The following ELOC variants were observed in gnomAD, a reference collection of about 807,000 sequenced individuals.
ELOC encodes the protein elongin C.
For missense variants in ELOC, 38 were observed against 139.0 expected, an observed-to-expected ratio of 0.27 and a Z score of 3.65; for synonymous variants, 40 against 51.3, an observed-to-expected ratio of 0.78 and a Z score of 0.94.
intron 3 of ELOC, 64 bp downstream of exon 3, chr8:73,955,847 A>C: frequency 2.0e-6 from 3 of 1,473,908 alleles, no homozygotes; most frequent in Non-Finnish European, 2.8e-6. Context: ...CATTAATTCA[A>C]CTTAAAAACA....
chr8:73,961,059 A>G (rs1225963859), intron 1 of ELOC, among the ~76,000 whole-genome samples: 2 of 152,212 alleles, frequency 1.3e-5, no homozygotes, highest in Non-Finnish European at 2.9e-5. Flanking sequence ...TAAGTTTTGA[A>G]ATTTAACAAT....
Position 73,956,719 on chromosome 8 carries a change from A to G in ELOC, c.5-665T>C, listed in dbSNP as rs932215407. Among the ~76,000 whole-genome samples the G allele has an allele frequency of 1.2e-4, 18 of 152,348 alleles. No homozygotes were observed. The East Asian group carries it at 3.5e-3, about 29-fold the overall frequency. Reference sequence around the variant, plus strand: ...TCACCTGAAATACTCATTTTTAGAAATAAGATGCATAGCAGATTTATAAAT... The same window carrying G: ...TCACCTGAAATACTCATTTTTAGAAGTAAGATGCATAGCAGATTTATAAAT... On this transcript the variant is annotated intron_variant, in intron 2 of 3. Coordinates refer to ENST00000520242, the MANE Select transcript of ELOC (RefSeq NM_005648.4).
At chr8:73,965,713 AAGAT>A (rs1313045089) in intron 1 of ELOC, among the ~76,000 whole-genome samples, 1 of 152,244 alleles carries the variant, frequency 6.6e-6, no homozygotes, top group African/African-American at 2.4e-5. Context: ...ATTTTAAAAA[AAGAT>A]AGCATTTCTG....
Position 73,946,831 on chromosome 8 carries a change from A to G in ELOC, c.149-11T>C, listed in dbSNP as rs756706207. On this transcript the variant is annotated splice_polypyrimidine_tract_variant and intron_variant, in intron 3 of 3. Coordinates refer to ENST00000520242, the MANE Select transcript of ELOC (RefSeq NM_005648.4). ...TCTCAGCAAACTGACCTGTAAAACA[A>G]AAGAATTATGTATGTTATTGGCTGA... is the stretch of plus-strand genomic sequence containing the variant. 4.4e-6 allele frequency: 7 copies of G among 1,604,802 alleles called. No homozygotes were observed. The South Asian group carries it at 6.6e-5, about 15-fold the overall frequency.
rs769690481 is a variant in ELOC at position 73,950,623 on chromosome 8, A to C, written c.149-3803T>G. Among the ~76,000 whole-genome samples the C allele has an allele frequency of 3.3e-5, 5 of 152,358 alleles. 1 individual carries two copies. Among genetic ancestry groups the C allele is most frequent in the Middle Eastern group, 6.8e-3 (2 of 294 alleles). On this transcript the variant is annotated intron_variant, in intron 3 of 3. Coordinates refer to ENST00000520242, the MANE Select transcript of ELOC (RefSeq NM_005648.4). ...CATAGTGGGGAATTTTTAATGGATG[A>C]ATCAGCCTGACAACCTGGAACCCAC... is the stretch of plus-strand genomic sequence containing the variant.
intron 3 of ELOC, 68 bp from the exon 4 acceptor site, chr8:73,946,888 T>A (rs55903314): frequency 4.4e-6 from 6 of 1,365,828 alleles, no homozygotes; most frequent in Non-Finnish European, 6.1e-6. Context: ...TGTTGAAGTC[T>A]TAACCCCTTG....
At chr8:73,969,320 G>A (rs920874697) in intron 1 of ELOC, among the ~76,000 whole-genome samples, 1 of 151,528 alleles carries the variant, frequency 6.6e-6, no homozygotes, top group Non-Finnish European at 1.5e-5. Context: ...TTTTTTGTTC[G>A]TTTTGTTCCT....
At chr8:73,967,818 T>C (rs1051080518) in intron 1 of ELOC, among the ~76,000 whole-genome samples, 7 of 152,234 alleles carry the variant, frequency 4.6e-5, no homozygotes, top group African/African-American at 1.7e-4. Flanking sequence ...TCTGTCCAAC[T>C]ATTAAAACAT....
intron 1 of ELOC, among the ~76,000 whole-genome samples, chr8:73,961,524 T>C (rs529816645): frequency 1.1e-3 from 169 of 152,304 alleles, no homozygotes; most frequent in Middle Eastern, 3.4e-3. Flanking sequence ...CTCTCTTTTT[T>C]TTTTTTTGAG....
At chr8:73,970,260 G>A (rs993279361) in intron 1 of ELOC, among the ~76,000 whole-genome samples, 2 of 152,052 alleles carry the variant, frequency 1.3e-5, no homozygotes, top group African/African-American at 4.8e-5. Context: ...AAATAAATAT[G>A]AGCATAATAG....
intron 3 of ELOC, among the ~76,000 whole-genome samples, chr8:73,949,182 T>C (rs1437084342): frequency 1.3e-5 from 2 of 152,232 alleles, no homozygotes; most frequent in African/African-American, 2.4e-5. Flanking sequence ...TACTAAAATA[T>C]ATACAAAATG....
chr8:73,952,398 C>T (rs988501991), intron 3 of ELOC, among the ~76,000 whole-genome samples: 24 of 146,118 alleles, frequency 1.6e-4, no homozygotes, highest in South Asian at 6.6e-4. Flanking sequence ...CACAGCAAGA[C>T]GCTGTCTCAA....
chr8:73,959,754 C>T lies in ELOC; in HGVS notation c.4+11G>A. 1 of 1,558,486 alleles carries T rather than the reference C, an allele frequency of 6.4e-7. No homozygotes were observed. The highest frequency in any genetic ancestry group is 8.7e-7 in the Non-Finnish European group (1 of 1,154,950). On this transcript the variant is annotated intron_variant, in intron 2 of 3. Coordinates refer to ENST00000520242, the MANE Select transcript of ELOC (RefSeq NM_005648.4). ...CTAGTTAAAACACAAAATTAATTAT[C>T]TTTAGCTTACCCATTTTGTTCTTAT...
At chr8:73,959,157 G>A (rs1025040636) in intron 2 of ELOC, among the ~76,000 whole-genome samples, 2 of 152,202 alleles carry the variant, frequency 1.3e-5, no homozygotes, top group African/African-American at 4.8e-5. Flanking sequence ...TAAGTGAGTG[G>A]TGAGTGAATG....
intron 3 of ELOC, 113 bp from the exon 4 acceptor site, chr8:73,946,933 C>G: frequency 1.2e-6 from 1 of 822,560 alleles, no homozygotes; most frequent in Admixed American, 2.9e-5. Context: ...GAGATAAGTT[C>G]TTTAAAGAGG....
At chr8:73,959,613 G>A in intron 2 of ELOC, 152 bp downstream of exon 2, 1 of 568,848 alleles carries the variant, frequency 1.8e-6, no homozygotes, top group Non-Finnish European at 3.1e-6. Flanking sequence ...TCATTATGTA[G>A]GGCATGACTG....
chr8:73,953,536 G>T (rs561090218), intron 3 of ELOC, among the ~76,000 whole-genome samples: 1 of 150,744 alleles, frequency 6.6e-6, no homozygotes, highest in East Asian at 2.0e-4. Context: ...TTAGCTGGGC[G>T]TGGGGGCGCA....
intron 1 of ELOC, among the ~76,000 whole-genome samples, chr8:73,968,445 A>T (rs1053895651): frequency 1.3e-5 from 2 of 152,196 alleles, no homozygotes; most frequent in African/African-American, 4.8e-5. Flanking sequence ...CTCTCAAATA[A>T]TATCTCCAAA....
At chr8:73,950,185 A>G (rs1306880920) in intron 3 of ELOC, among the ~76,000 whole-genome samples, 1 of 152,242 alleles carries the variant, frequency 6.6e-6, no homozygotes, top group Non-Finnish European at 1.5e-5. Context: ...TAACTATTCA[A>G]GACTAACGGA....
Sources: gnomAD v4.1 joint callset for allele counts (sites outside exome capture counted in the v4.1 genomes callset) on GRCh38, gnomAD v4.1.1 for gene constraint, MANE v1.5 for transcripts, NCBI Gene and HGNC (gene_info 2026-07-23, HGNC 2026-07-21) for gene names.